SLC6A6: variants seen among roughly 807,000 people sequenced by gnomAD.
SLC6A6 encodes the protein sodium- and chloride-dependent taurine transporter.
In SLC6A6, 16 loss-of-function variants were observed where a neutral mutation model predicts 68.8. That is an observed-to-expected ratio of 0.23 (90% confidence interval 0.16 to 0.35). The LOEUF is 0.35. SLC6A6 is among the 10% of genes least tolerant of loss of function. The pLI is 1.00. For synonymous variants in SLC6A6, 312 were observed against 315.4 expected, an observed-to-expected ratio of 0.99 and a Z score of 0.12; for missense variants, 474 against 802.8, an observed-to-expected ratio of 0.59 and a Z score of 4.95.
chr3:14,454,616 T>C (rs1328293799), intron 5 of SLC6A6, among the ~76,000 whole-genome samples: 1 of 152,202 alleles, frequency 6.6e-6, no homozygotes, highest in Non-Finnish European at 1.5e-5. Flanking sequence ...CAAATCCTGA[T>C]TGATGAGATA....
intron 2 of SLC6A6, among the ~76,000 whole-genome samples, chr3:14,436,531 CTTTTTTTTTT>C (rs58996264): frequency 3.6e-5 from 4 of 112,460 alleles, no homozygotes; most frequent in Non-Finnish European, 7.4e-5. Flanking sequence ...CAACAACTCC[CTTTTTTTTTT>C]TTTTTTTTTT....
intron 2 of SLC6A6, among the ~76,000 whole-genome samples, chr3:14,420,799 T>A (rs1434155450): frequency 6.6e-6 from 1 of 152,218 alleles, no homozygotes. Context: ...TTTCAATTGT[T>A]GTAAAAGACA....
rs534388860 is a variant in SLC6A6 at position 14,415,331 on chromosome 3, G to A, written c.-53-1081G>A. ...ATGAGATCATCTAATTTGGGGGACA[G>A]GGAGCTCTGTAGGCTGCCGGGACTG... On this transcript the variant is annotated intron_variant, in intron 1 of 14. Transcript: ENST00000622186. 7.9e-5 allele frequency among the ~76,000 whole-genome samples: 12 copies of A among 152,342 alleles called. No individual in the cohort carries two copies. The South Asian group carries it at 1.7e-3, about 21-fold the overall frequency.
chr3:14,457,834 G>T, intron 5 of SLC6A6, 116 bp from the exon 6 acceptor site: 2 of 908,164 alleles, frequency 2.2e-6, no homozygotes, highest in Non-Finnish European at 3.5e-6. Context: ...GGTGACTTAT[G>T]TAAATGCAGC....
intron 2 of SLC6A6, among the ~76,000 whole-genome samples, chr3:14,418,280 GT>G (rs1439977574): frequency 6.6e-6 from 1 of 152,224 alleles, no homozygotes; most frequent in African/African-American, 2.4e-5. Context: ...CTGGTCCAGG[GT>G]TCGGATTGGT....
At chr3:14,428,615 G>T (rs1464640543) in intron 2 of SLC6A6, among the ~76,000 whole-genome samples, 2 of 152,200 alleles carry the variant, frequency 1.3e-5, no homozygotes, top group East Asian at 3.9e-4. Context: ...TGGGGAGGGT[G>T]CCTTTGCTGA....
intron 6 of SLC6A6, among the ~76,000 whole-genome samples, chr3:14,461,594 G>A (rs1311411134): frequency 6.6e-6 from 1 of 152,206 alleles, no homozygotes; most frequent in Non-Finnish European, 1.5e-5. Flanking sequence ...CTGAGGCTGG[G>A]GCTCTTCGCT....
At chr3:14,466,410 A>ACTC in intron 6 of SLC6A6, 106 bp from the exon 7 acceptor site, 1 of 1,311,226 alleles carries the variant, frequency 7.6e-7, no homozygotes, top group South Asian at 1.4e-5. Context: ...TGGCTCCAGA[A>ACTC]CTCCTGATCC....
At position 14,481,868 on chromosome 3, in the gene SLC6A6, G is replaced by A. The variant is rs774411246; in HGVS notation, c.1722+27G>A. The A allele has an allele frequency of 1.9e-6, 3 of 1,602,570 alleles. No homozygotes were observed. The highest frequency in any genetic ancestry group is 2.6e-6 in the Non-Finnish European group (3 of 1,171,890). The stretch of plus-strand genomic sequence containing the variant: ...TAAGTGCTTGGGCCCAGGGCCAGGG[G>A]AGGTGGGAGGCGCGAGGCCAAAGGT... On this transcript the variant is annotated intron_variant, in intron 14 of 14. Transcript: ENST00000622186. The surrounding 1 kb of genome is among the most constrained non-coding windows in gnomAD (Gnocchi z 4.7).
At chr3:14,426,257 G>A (rs757515624) in intron 2 of SLC6A6, among the ~76,000 whole-genome samples, 15 of 152,166 alleles carry the variant, frequency 9.9e-5, no homozygotes, top group Non-Finnish European at 1.8e-4. Flanking sequence ...ACCACTTCCT[G>A]GCTGTGCAAC....
At chr3:14,426,294 A>G (rs899701331) in intron 2 of SLC6A6, among the ~76,000 whole-genome samples, 3 of 151,976 alleles carry the variant, frequency 2.0e-5, no homozygotes, top group African/African-American at 7.3e-5. Flanking sequence ...ATTGATTCTG[A>G]GCCGTAGTTC....
chr3:14,403,877 C>T (rs1421205060), intron 1 of SLC6A6, among the ~76,000 whole-genome samples: 1 of 152,252 alleles, frequency 6.6e-6, no homozygotes, highest in Non-Finnish European at 1.5e-5. Context: ...GTGGGCAGCT[C>T]TCCCAGGCAG....
chr3:14,442,107 C>T (rs757217750), intron 2 of SLC6A6, among the ~76,000 whole-genome samples: 1 of 152,296 alleles, frequency 6.6e-6, no homozygotes, highest in African/African-American at 2.4e-5. Flanking sequence ...AGGGTGTGGT[C>T]GTGTGACAAG....
intron 2 of SLC6A6, among the ~76,000 whole-genome samples, chr3:14,436,531 C>CTTTTTTTTTTTTTTTTTTTTTTTTTTTTT (rs58996264): frequency 8.9e-6 from 1 of 112,464 alleles, no homozygotes; most frequent in Non-Finnish European, 1.8e-5. Context: ...CAACAACTCC[C>CTTTTTTTTTTTTTTTTTTTTTTTTTTTTT]TTTTTTTTTT....
intron 9 of SLC6A6, among the ~76,000 whole-genome samples, chr3:14,471,726 T>G (rs1700756532): frequency 6.6e-6 from 1 of 151,958 alleles, no homozygotes; most frequent in Admixed American, 6.6e-5. Context: ...TTTGTATTGG[T>G]TTTTCTTTCC....
chr3:14,470,021 G>T (rs1700716047), intron 9 of SLC6A6, among the ~76,000 whole-genome samples: 1 of 152,176 alleles, frequency 6.6e-6, no homozygotes, highest in Non-Finnish European at 1.5e-5. Context: ...TGGTGAGGGG[G>T]AGCCAGAGAT....
rs749861702 is a variant in SLC6A6 at position 14,481,847 on chromosome 3, T to C, written c.1722+6T>C. 6.2e-7 allele frequency: 1 copy of C among 1,613,002 alleles called. No homozygotes were observed. Among genetic ancestry groups the C allele is most frequent in the Non-Finnish European group, 8.5e-7 (1 of 1,179,306 alleles). On this transcript the variant is annotated splice_donor_region_variant and intron_variant, in intron 14 of 14. Transcript: ENST00000622186. This position sits in a 1 kb window ranked among gnomAD's most constrained non-coding sequence, Gnocchi z 4.7. ...CTGAGGGGCCGTTCCTTGTGGTAAGTGCTTGGGCCCAGGGCCAGGGGAGGT... is the reference window on the plus strand; with the variant it reads ...CTGAGGGGCCGTTCCTTGTGGTAAGCGCTTGGGCCCAGGGCCAGGGGAGGT...
chr3:14,433,131 C>G (rs1007523374), intron 2 of SLC6A6, among the ~76,000 whole-genome samples: 2 of 151,602 alleles, frequency 1.3e-5, no homozygotes, highest in African/African-American at 4.9e-5. Flanking sequence ...GACGGTGACC[C>G]AGTACCCCTG....
chr3:14,456,055 G>A (rs1332168521), intron 5 of SLC6A6, among the ~76,000 whole-genome samples: 1 of 152,224 alleles, frequency 6.6e-6, no homozygotes, highest in Non-Finnish European at 1.5e-5. Flanking sequence ...GGCTTGGGGT[G>A]GCAGCTCTGT....
Sources: allele counts gnomAD v4.1 joint callset (sites outside exome capture counted in the v4.1 genomes callset), GRCh38; gene constraint gnomAD v4.1.1; non-coding constraint Gnocchi (gnomAD v3.1); transcripts MANE v1.5; gene names NCBI Gene and HGNC (gene_info 2026-07-23, HGNC 2026-07-21).